The following KRT25 variants were observed in gnomAD, a reference collection of about 807,000 sequenced individuals.
The protein encoded by KRT25 is keratin, type I cytoskeletal 25.
KRT25 carries 37 observed loss-of-function variants against 47.6 expected under a neutral mutation model. The ratio of observed to expected loss-of-function variants is 0.78; its 90% CI spans 0.60 to 1.02. The LOEUF (loss-of-function observed/expected upper bound fraction) is 1.02. Ranked by LOEUF, KRT25 falls within the 50% of genes least tolerant of loss-of-function variation. KRT25 has a pLI of 0.00. For synonymous variants in KRT25, 203 were observed against 210.2 expected, an observed-to-expected ratio of 0.97 and a Z score of 0.30; for missense variants, 542 against 550.3, an observed-to-expected ratio of 0.98 and a Z score of 0.15.
chr17:40,748,522 A>G, intron 7 of KRT25, 136 bp from the exon 8 acceptor site: 1 of 565,576 alleles, frequency 1.8e-6, no homozygotes, highest in Non-Finnish European at 3.0e-6. Flanking sequence ...ATTTTTGGTG[A>G]ATAATTTTGA....
chr17:40,754,515 C>A, intron 1 of KRT25, 47 bp from the exon 2 acceptor site: 1 of 1,442,506 alleles, frequency 6.9e-7, no homozygotes, highest in South Asian at 1.1e-5. Flanking sequence ...CCAACTGAAT[C>A]TACTTAATGC....
intron 3 of KRT25, among the ~76,000 whole-genome samples, chr17:40,752,861 T>TA (rs1457819432): frequency 3.3e-5 from 5 of 152,224 alleles, no homozygotes; most frequent in African/African-American, 1.2e-4. Context: ...TAGAAGTCTT[T>TA]TGGCTATTTA....
intron 3 of KRT25, among the ~76,000 whole-genome samples, chr17:40,751,886 G>T (rs1470240648): frequency 1.7e-5 from 1 of 57,198 alleles, no homozygotes; most frequent in Non-Finnish European, 4.8e-5. Flanking sequence ...GTGCGTGCGT[G>T]TGTGTGTGTG....
intron 7 of KRT25, 129 bp downstream of exon 7, chr17:40,749,129 T>C: frequency 1.4e-6 from 1 of 690,358 alleles, no homozygotes; most frequent in Non-Finnish European, 2.5e-6. Flanking sequence ...GATGATCAAA[T>C]AATATGCACA....
In KRT25 at chr17:40,750,580, G is replaced by A. The variant is rs762163645; in HGVS notation, c.975C>T (p.Cys325=). The A allele has an allele frequency of 3.1e-6, 5 of 1,614,108 alleles. No individual in the cohort carries two copies. The Admixed American group carries it at 6.7e-5, about 22-fold the overall frequency. ...SLLATKHSLE[C]SLTETESNYC... is the part of the protein sequence containing the mutation. ...AGTTGCTCTCGGTCTCTGTCAAGGA[G>A]CACTCCAGGGAGTGTTTCTGTCAGG... The change falls in exon 6 of 8, where the codon TGC becomes TGT. Residue 325 remains cysteine, a synonymous_variant. Coordinates refer to ENST00000312150, the MANE Select transcript of KRT25 (RefSeq NM_181534.4).
At chr17:40,752,269 A>G (rs1194995692) in intron 3 of KRT25, among the ~76,000 whole-genome samples, 1 of 152,198 alleles carries the variant, frequency 6.6e-6, no homozygotes, top group Non-Finnish European at 1.5e-5. Context: ...GTCAAAGTCT[A>G]CATGTTACCC....
chr17:40,750,961 AG>A lies in KRT25; in HGVS notation c.949del (p.Leu317Ter). ...QTLEIELQSL[L>X]ATKHSLECSL... Reference sequence around the variant, plus strand: ...AAATTGTTCTTTTCATACCGTGGCTAGGAGAGACTGAAGTTCAATTTCCAGG... The same window carrying A: ...AAATTGTTCTTTTCATACCGTGGCTAGAGAGACTGAAGTTCAATTTCCAGG... On this transcript the variant is annotated frameshift_variant, in exon 5 of 8. Coordinates refer to ENST00000312150, the MANE Select transcript of KRT25 (RefSeq NM_181534.4). LOFTEE classifies it high-confidence loss of function. 6.2e-7 allele frequency: 1 copy of A among 1,614,180 alleles called. No individual in the cohort carries two copies. Among genetic ancestry groups the A allele is most frequent in the African/African-American group, 1.3e-5 (1 of 75,038 alleles).
intron 3 of KRT25, among the ~76,000 whole-genome samples, chr17:40,753,220 T>G (rs1385891327): frequency 6.6e-6 from 1 of 152,178 alleles, no homozygotes; most frequent in Non-Finnish European, 1.5e-5. Context: ...TTATTTTATA[T>G]TTATTTTATC....
At position 40,754,745 on chromosome 17, in the gene KRT25, A is replaced by G. The variant is rs1201966942; in HGVS notation, c.429+98T>C. The G allele has an allele frequency of 4.4e-6, 5 of 1,128,918 alleles. No homozygotes were observed. The East Asian group carries it at 1.3e-4, about 29-fold the overall frequency. The allele number at this position is 1,128,918 out of a possible 1,614,324, so 69.9% of individuals were successfully genotyped here. On this transcript the variant is annotated intron_variant, in intron 1 of 7. Transcript: ENST00000312150. ...AAAAAAAAAAAAAAAAAAAATCACAAGTAGGAATGATAAATGTTTTTAGAA... is the reference window on the plus strand; with the variant it reads ...AAAAAAAAAAAAAAAAAAAATCACAGGTAGGAATGATAAATGTTTTTAGAA...
intron 3 of KRT25, among the ~76,000 whole-genome samples, chr17:40,751,879 C>CGTGT (rs1386809186): frequency 2.3e-4 from 19 of 84,178 alleles, no homozygotes; most frequent in Admixed American, 2.4e-4. Flanking sequence ...TGTGTGTGTG[C>CGTGT]GTGCGTGTGT....
At chr17:40,751,965 T>C (rs2038054788) in intron 3 of KRT25, among the ~76,000 whole-genome samples, 1 of 151,996 alleles carries the variant, frequency 6.6e-6, no homozygotes, top group African/African-American at 2.4e-5. Context: ...GTCTATTAAG[T>C]CTATACAGGG....
chr17:40,753,683 CAAAAAAAAAAAAAAAAAAAAAAAAAAAA>C (rs60610884), intron 3 of KRT25, among the ~76,000 whole-genome samples, 149 bp downstream of exon 3: 10 of 30,430 alleles, frequency 3.3e-4, no homozygotes, highest in Admixed American at 1.3e-3. Flanking sequence ...GACTCCGTCT[CAAAAAAAAAAAAAAAAAAAAAAAAAAAA>C]AAAAAAAAAA....
In KRT25 at chr17:40,754,369, T is replaced by A; in HGVS notation, c.512+17A>T. On this transcript the variant is annotated intron_variant, in intron 2 of 7. Transcript: ENST00000312150. ...ATGAATTGCCATGAATTCATTTCAC[T>A]CTGGCAGTCTACTTACTTGAGTCTG... is the stretch of plus-strand genomic sequence containing the variant. 6.2e-7 allele frequency: 1 copy of A among 1,601,000 alleles called. No individual in the cohort carries two copies. The highest frequency in any genetic ancestry group is 8.6e-7 in the Non-Finnish European group (1 of 1,168,392).
chr17:40,750,598 C>T lies in KRT25; in HGVS notation c.958-1G>A, dbSNP rs754465743. On this transcript the variant is annotated splice_acceptor_variant, in intron 5 of 7. Transcript: ENST00000312150. LOFTEE classifies it high-confidence loss of function. ...TCAAGGAGCACTCCAGGGAGTGTTT[C>T]TGTCAGGAAGCAATAAAGAGAACTT... The T allele has an allele frequency of 1.7e-5, 28 of 1,614,012 alleles. No individual in the cohort carries two copies. The highest frequency in any genetic ancestry group is 8.0e-5 in the African/African-American group (6 of 74,934).
rs188393551 is a variant in KRT25, at chr17:40,749,011, T to C, written c.1243+247A>G. On this transcript the variant is annotated intron_variant, in intron 7 of 7. Transcript: ENST00000312150. ...GTGGGAGATAAATGATAAGGACTTATGAACACAAAGAAGGAAACAACAGAT... is the reference window on the plus strand; with the variant it reads ...GTGGGAGATAAATGATAAGGACTTACGAACACAAAGAAGGAAACAACAGAT... 3.2e-4 allele frequency among the ~76,000 whole-genome samples: 48 copies of C among 152,010 alleles called. 1 individual carries two copies. The East Asian group carries it at 7.7e-3, about 24-fold the overall frequency.
chr17:40,751,298 C>T lies in KRT25; in HGVS notation c.698G>A (p.Gly233Glu). ...EEMQVLQCAA[G>E]GNVNVEMNAA... Reference sequence around the variant, plus strand: ...GTTCATCTCCACGTTCACGTTGCCTCCAGCTGCGCACTGCAGAACTTGCAT... The same window carrying T: ...GTTCATCTCCACGTTCACGTTGCCTTCAGCTGCGCACTGCAGAACTTGCAT... The change falls in exon 4 of 8, where the codon GGA (glycine) becomes GAA (glutamate). Residue 233 changes from glycine to glutamate, a missense_variant. Gly to Glu is a moderately conservative substitution (Grantham distance 98, BLOSUM62 -2). Transcript: ENST00000312150. The T allele has an allele frequency of 6.2e-7, 1 of 1,613,502 alleles. No homozygotes were observed. Among genetic ancestry groups the T allele is most frequent in the Non-Finnish European group, 8.5e-7 (1 of 1,179,698 alleles).
intron 3 of KRT25, among the ~76,000 whole-genome samples, chr17:40,752,660 A>G (rs2038061320): frequency 6.6e-6 from 1 of 152,246 alleles, no homozygotes; most frequent in African/African-American, 2.4e-5. Flanking sequence ...GGTTGCCTGT[A>G]AATGAGGCAT....
intron 5 of KRT25, 90 bp from the exon 6 acceptor site, chr17:40,750,687 A>G: frequency 6.4e-7 from 1 of 1,556,974 alleles, no homozygotes; most frequent in Admixed American, 1.8e-5. Flanking sequence ...TGTTAACTTT[A>G]CATATAATTG....
chr17:40,753,492 C>T (rs185009861), intron 3 of KRT25, among the ~76,000 whole-genome samples: 1 of 151,278 alleles, frequency 6.6e-6, no homozygotes, highest in East Asian at 1.9e-4. Flanking sequence ...GTCAGGAGAT[C>T]GAGACCATCC....
Sources: allele counts gnomAD v4.1 joint callset (sites outside exome capture counted in the v4.1 genomes callset), GRCh38; gene constraint gnomAD v4.1.1; transcripts MANE v1.5; gene names NCBI Gene and HGNC (gene_info 2026-07-23, HGNC 2026-07-21).